GPC6: variants seen among roughly 807,000 people sequenced by gnomAD.
GPC6 encodes glypican-6.
Under a neutral mutation model 55.2 loss-of-function variants are expected in GPC6, and 14 were observed. The ratio of observed to expected loss-of-function variants is 0.25; its 90% CI spans 0.17 to 0.40. The LOEUF (loss-of-function observed/expected upper bound fraction) is 0.40. Ranked by LOEUF, GPC6 falls within the 10% of genes least tolerant of loss-of-function variation. The pLI, the probability that GPC6 is intolerant of heterozygous loss-of-function variation, is 1.00. For missense variants in GPC6, 641 were observed against 708.5 expected (o/e 0.90, Z 1.08); for synonymous variants, 278 against 259.6 (o/e 1.07, Z -0.68).
intron 7 of GPC6, among the ~76,000 whole-genome samples, chr13:94,391,067 A>T (rs751189485): frequency 2.6e-5 from 4 of 152,196 alleles, no homozygotes; most frequent in Admixed American, 6.5e-5. Flanking sequence ...CAATGAATTA[A>T]GAGGCCAAGT....
intron 2 of GPC6, among the ~76,000 whole-genome samples, chr13:93,547,893 A>T (rs1874917405): frequency 6.6e-6 from 1 of 152,066 alleles, no homozygotes. Flanking sequence ...CACTGGTATG[A>T]TTTATTTTCT....
intron 2 of GPC6, among the ~76,000 whole-genome samples, chr13:93,578,458 T>C (rs947643749): frequency 7.2e-5 from 11 of 151,992 alleles, no homozygotes; most frequent in Admixed American, 1.3e-4. Context: ...TTCATTTTCT[T>C]CTCAGTTTTC....
At chr13:93,355,071 C>T (rs531305524) in intron 1 of GPC6, among the ~76,000 whole-genome samples, 85 of 152,280 alleles carry the variant, frequency 5.6e-4, no homozygotes, top group African/African-American at 1.9e-3. Flanking sequence ...AAGTTGATTA[C>T]AGGCAGGAGA....
intron 3 of GPC6, among the ~76,000 whole-genome samples, chr13:93,993,455 C>T (rs930388136): frequency 1.1e-4 from 17 of 151,798 alleles, no homozygotes; most frequent in South Asian, 4.2e-4. Flanking sequence ...CACCACACCC[C>T]GGTAATTTTT....
At chr13:93,587,551 G>A (rs1044295261) in intron 2 of GPC6, among the ~76,000 whole-genome samples, 1 of 152,172 alleles carries the variant, frequency 6.6e-6, no homozygotes, top group Admixed American at 6.5e-5. Context: ...TCCACCAGGT[G>A]TCACAGACCT....
chr13:93,268,040 C>T (rs970394714), intron 1 of GPC6, among the ~76,000 whole-genome samples: 1 of 152,122 alleles, frequency 6.6e-6, no homozygotes, highest in African/African-American at 2.4e-5. Flanking sequence ...AGATTGCATC[C>T]ATTTTGATCT....
chr13:93,747,818 G>A (rs1399079482), intron 2 of GPC6, among the ~76,000 whole-genome samples: 1 of 152,118 alleles, frequency 6.6e-6, no homozygotes, highest in African/African-American at 2.4e-5. Context: ...AACCTACAAT[G>A]GGTTTACCAA....
intron 2 of GPC6, among the ~76,000 whole-genome samples, chr13:93,748,705 T>C (rs533461399): frequency 4.9e-4 from 74 of 152,262 alleles, no homozygotes; most frequent in Admixed American, 1.2e-3. Context: ...GCATTTACTT[T>C]GGTAATTAAT....
intron 2 of GPC6, among the ~76,000 whole-genome samples, chr13:93,600,070 A>G (rs1446970287): frequency 6.6e-6 from 1 of 152,162 alleles, no homozygotes; most frequent in African/African-American, 2.4e-5. Flanking sequence ...TTTTTAATGA[A>G]TTTTTAAATT....
At chr13:93,525,793 G>A (rs914328548) in intron 1 of GPC6, among the ~76,000 whole-genome samples, 2 of 151,976 alleles carry the variant, frequency 1.3e-5, no homozygotes, top group Non-Finnish European at 1.5e-5. Context: ...TATAATAGTA[G>A]GCATTCAATA....
intron 2 of GPC6, among the ~76,000 whole-genome samples, chr13:93,808,401 A>T (rs1436173388): frequency 6.6e-6 from 1 of 152,160 alleles, no homozygotes; most frequent in Non-Finnish European, 1.5e-5. Flanking sequence ...ATATCATGTA[A>T]ATTGTAAGAA....
At chr13:93,905,115 T>TGAGG (rs1011541447) in intron 3 of GPC6, among the ~76,000 whole-genome samples, 4 of 150,918 alleles carry the variant, frequency 2.7e-5, no homozygotes, top group Non-Finnish European at 4.4e-5. Flanking sequence ...CTTTCCAGAT[T>TGAGG]GAGGGAAACT....
intron 2 of GPC6, among the ~76,000 whole-genome samples, chr13:93,815,088 T>C (rs1024571287): frequency 6.6e-6 from 1 of 151,884 alleles, no homozygotes; most frequent in Non-Finnish European, 1.5e-5. Context: ...TTTGCAGAAA[T>C]TACCAATTTT....
At chr13:93,298,162 A>G (rs548544891) in intron 1 of GPC6, among the ~76,000 whole-genome samples, 1 of 152,338 alleles carries the variant, frequency 6.6e-6, no homozygotes, top group Admixed American at 6.5e-5. Context: ...GAGCCTATGC[A>G]TAGAATGATC....
At chr13:94,055,386 C>G (rs1345395523) in intron 4 of GPC6, among the ~76,000 whole-genome samples, 1 of 151,984 alleles carries the variant, frequency 6.6e-6, no homozygotes, top group Non-Finnish European at 1.5e-5. Flanking sequence ...GGCCAAAAAT[C>G]CTACTCACCA....
chr13:94,336,577 G>C (rs1228176696), intron 6 of GPC6, among the ~76,000 whole-genome samples: 5 of 152,080 alleles, frequency 3.3e-5, no homozygotes, highest in Non-Finnish European at 7.4e-5. Flanking sequence ...TTAATTTGTT[G>C]CTCTTCCCAG....
In GPC6 at chr13:93,770,948, G is replaced by A. The variant is rs534612260; in HGVS notation, c.320-59206G>A. On this transcript the variant is annotated intron_variant, in intron 2 of 8. Coordinates refer to ENST00000377047, the MANE Select transcript of GPC6 (RefSeq NM_005708.5). ...GACTGATGAAATCATAAAACGTAAC[G>A]TAACCCTCTAGGTAGCAGAGGATGT... is the stretch of plus-strand genomic sequence containing the variant. Among the ~76,000 whole-genome samples the A allele has an allele frequency of 5.0e-4, 76 of 151,492 alleles. 1 individual carries two copies. The highest frequency in any genetic ancestry group is 3.4e-3 in the Middle Eastern group (1 of 292).
At chr13:93,480,783 C>A (rs756958929) in intron 1 of GPC6, among the ~76,000 whole-genome samples, 5 of 152,122 alleles carry the variant, frequency 3.3e-5, no homozygotes, top group Non-Finnish European at 7.4e-5. Flanking sequence ...AATGCCATTC[C>A]TTTTTATTGC....
chr13:93,947,037 G>A (rs914094845), intron 3 of GPC6, among the ~76,000 whole-genome samples: 2 of 152,188 alleles, frequency 1.3e-5, no homozygotes, highest in African/African-American at 2.4e-5. Context: ...TTTAAGACTT[G>A]ATAGTAACCA....
Sources: allele counts gnomAD v4.1 joint callset (sites outside exome capture counted in the v4.1 genomes callset), GRCh38; gene constraint gnomAD v4.1.1; transcripts MANE v1.5; gene names NCBI Gene and HGNC (gene_info 2026-07-23, HGNC 2026-07-21).